COL7A1: variants seen among roughly 807,000 people sequenced by gnomAD.
COL7A1 encodes collagen alpha-1(VII) chain.
A neutral mutation model predicts 456.2 loss-of-function variants in COL7A1; 296 were observed. The ratio of observed to expected loss-of-function variants is 0.65; its 90% CI spans 0.59 to 0.71. The LOEUF (loss-of-function observed/expected upper bound fraction) is 0.71, where lower values mean the gene tolerates loss of function less well. Ranked by LOEUF, COL7A1 falls within the 30% of genes least tolerant of loss-of-function variation. COL7A1 has a pLI of 0.00. For missense variants in COL7A1, 3,441 were observed against 4,017.2 expected (o/e 0.86, Z 3.88); for synonymous variants, 1,464 against 1,525.9 (o/e 0.96, Z 0.95).
In COL7A1 at chr3:48,569,757, C is replaced by T. The variant is rs756501541; in HGVS notation, c.7525G>A (p.Asp2509Asn). ...GSRGERGEKG[D>N]VGSAGLKGDK... ...CCCTTTAGTCCTGCACTCCCAACAT[C>T]ACCCTATTGGGCAAAAGAGTGTGAG... Residue 2509 changes from aspartate (D) to asparagine (N), a missense_variant, in exon 101 of 119, where the codon GAT becomes AAT. Around this residue, in one of 3 missense-constraint regions of COL7A1, gnomAD observed 2,084 missense variants for 2,501.3 expected, o/e 0.83. Coordinates refer to ENST00000681320, the MANE Select transcript of COL7A1 (RefSeq NM_000094.4). This position sits in a 1 kb window ranked among gnomAD's most constrained non-coding sequence, Gnocchi z 4.9. The T allele has an allele frequency of 1.2e-6, 2 of 1,614,198 alleles. No individual in the cohort carries two copies. The highest frequency in any genetic ancestry group is 3.3e-5 in the Admixed American group (2 of 60,030).
chr3:48,574,314 G>T lies in COL7A1; in HGVS notation c.6457-8C>A. 1.2e-6 allele frequency: 2 copies of T among 1,614,144 alleles called. No individual in the cohort carries two copies. Among genetic ancestry groups the T allele is most frequent in the Non-Finnish European group, 1.7e-6 (2 of 1,180,020 alleles). ...ACGCTCTCCTGGTAGACCCTGCAGA[G>T]AATAGGTTTAAGGCCTTAGTTTCCC... On this transcript the variant is annotated splice_region_variant and splice_polypyrimidine_tract_variant and intron_variant, in intron 79 of 118. Coordinates refer to ENST00000681320, the MANE Select transcript of COL7A1 (RefSeq NM_000094.4). This position sits in a 1 kb window ranked among gnomAD's most constrained non-coding sequence, Gnocchi z 5.0.
chr3:48,591,893 C>T lies in COL7A1; in HGVS notation c.1357+5G>A. ...TTGCCTGTCCATCCCTTCCCCCGCA[C>T]TGACCAGTCTCACGCCGCCATTCCA... is the stretch of plus-strand genomic sequence containing the variant. On this transcript the variant is annotated splice_donor_5th_base_variant and intron_variant, in intron 11 of 118. Coordinates refer to ENST00000681320, the MANE Select transcript of COL7A1 (RefSeq NM_000094.4). This position sits in a 1 kb window ranked among gnomAD's most constrained non-coding sequence, Gnocchi z 7.0. 1 of 1,614,208 alleles carries T rather than the reference C, an allele frequency of 6.2e-7. No homozygotes were observed. Among genetic ancestry groups the T allele is most frequent in the Non-Finnish European group, 8.5e-7 (1 of 1,180,044 alleles).
In COL7A1 at chr3:48,569,559, G is replaced by A; in HGVS notation, c.7614+33C>T. The A allele has an allele frequency of 1.2e-5, 20 of 1,613,520 alleles. No individual in the cohort carries two copies. The highest frequency in any genetic ancestry group is 2.2e-5 in the East Asian group (1 of 44,836). On this transcript the variant is annotated intron_variant, in intron 102 of 118. Coordinates refer to ENST00000681320, the MANE Select transcript of COL7A1 (RefSeq NM_000094.4). This position sits in a 1 kb window ranked among gnomAD's most constrained non-coding sequence, Gnocchi z 4.9. ...CCCCACGGGGTCCCTCTCGCACCCAGGGGAGACCCAGTCCACACGTGGGCC... is the reference window on the plus strand; with the variant it reads ...CCCCACGGGGTCCCTCTCGCACCCAAGGGAGACCCAGTCCACACGTGGGCC...
At position 48,571,578 on chromosome 3, in the gene COL7A1, C is replaced by T. The variant is rs1159360648; in HGVS notation, c.7069-300G>A. On this transcript the variant is annotated intron_variant, in intron 92 of 118. Transcript: ENST00000681320. This position sits in a 1 kb window ranked among gnomAD's most constrained non-coding sequence, Gnocchi z 4.6. The stretch of plus-strand genomic sequence containing the variant: ...CTCCACAGACGTGAGTGCGGACACA[C>T]GGGCGCTCAGAGGGGAACCCCAACA... The T allele has an allele frequency of 4.5e-6, 3 of 672,132 alleles. No homozygotes were observed. The highest frequency in any genetic ancestry group is 8.4e-6 in the Non-Finnish European group (3 of 356,678). 41.6% of individuals were successfully genotyped at this position (672,132 alleles called of 1,614,324 possible). A position where few individuals can be genotyped will look rare whatever the true frequency, so the allele number is the denominator to read the frequency against.
Position 48,579,585 on chromosome 3 carries a change from C to T in COL7A1, c.5235+3G>A. 1 of 1,613,896 alleles carries T rather than the reference C, an allele frequency of 6.2e-7. No homozygotes were observed. Among genetic ancestry groups the T allele is most frequent in the Non-Finnish European group, 8.5e-7 (1 of 1,180,012 alleles). ...TGCACCCCCGAGGACCAATCACACT[C>T]ACCCTTTCCCCAGGGGCTCCAGGGA... On this transcript the variant is annotated splice_donor_region_variant and intron_variant, in intron 59 of 118. Transcript: ENST00000681320. This position sits in a 1 kb window ranked among gnomAD's most constrained non-coding sequence, Gnocchi z 4.4.
rs1158075930 is a variant in COL7A1 at position 48,588,965 on chromosome 3, A to G, written c.2345T>C (p.Leu782Pro). Residue 782 changes from leucine (L) to proline (P), a missense_variant, in exon 19 of 119, where the codon CTG (leucine) becomes CCG (proline). Transcript: ENST00000681320. This position sits in a 1 kb window ranked among gnomAD's most constrained non-coding sequence, Gnocchi z 4.6. ...GTCGCTGGAAGCATTGAGGATCTGC[A>G]GCCTCGACACACGACCCACAGGCTC... ...APEPVGRVSR[L>P]QILNASSDVL... The G allele has an allele frequency of 1.2e-6, 2 of 1,613,544 alleles. No homozygotes were observed. Among genetic ancestry groups the G allele is most frequent in the African/African-American group, 1.3e-5 (1 of 75,070 alleles).
At chr3:48,582,737 T>A in intron 44 of COL7A1, 84 bp from the exon 45 acceptor site, 1 of 1,442,130 alleles carries the variant, frequency 6.9e-7, no homozygotes, top group Non-Finnish European at 9.7e-7. Context: ...GGGTGGGGGC[T>A]GGAGAGGGGT....
Position 48,588,526 on chromosome 3 carries a change from C to T in COL7A1, c.2587+116G>A. ...AGACCCCTCTCCCTCCTCTCAGACC[C>T]TGCCCCCAAAGGCTCACTACCAATC... On this transcript the variant is annotated intron_variant, in intron 20 of 118. Transcript: ENST00000681320. This position sits in a 1 kb window ranked among gnomAD's most constrained non-coding sequence, Gnocchi z 4.6. 1 of 1,605,146 alleles carries T rather than the reference C, an allele frequency of 6.2e-7. No homozygotes were observed. The highest frequency in any genetic ancestry group is 8.5e-7 in the Non-Finnish European group (1 of 1,176,872).
At position 48,586,731 on chromosome 3, in the gene COL7A1, G is replaced by C; in HGVS notation, c.3277-42C>G. On this transcript the variant is annotated intron_variant, in intron 25 of 118. Transcript: ENST00000681320. This position sits in a 1 kb window ranked among gnomAD's most constrained non-coding sequence, Gnocchi z 5.1. ...CACAGAGCCTGAGGAGGATGACAGA[G>C]CAGGGATGGGGGTGCACAGAGCCTG... The C allele has an allele frequency of 6.4e-7, 1 of 1,553,878 alleles. No individual in the cohort carries two copies. Among genetic ancestry groups the C allele is most frequent in the Non-Finnish European group, 8.7e-7 (1 of 1,148,190 alleles).
rs540116474 is a variant in COL7A1 at position 48,587,707 on chromosome 3, C to T, written c.2857+86G>A. On this transcript the variant is annotated intron_variant, in intron 22 of 118. Coordinates refer to ENST00000681320, the MANE Select transcript of COL7A1 (RefSeq NM_000094.4). This position sits in a 1 kb window ranked among gnomAD's most constrained non-coding sequence, Gnocchi z 6.1. ...GGTCAGAGGGTGAGGGGTAGGGGTA[C>T]AGGAGGAGTCACTCAGAGTCGGGGT... 14 of 1,606,738 alleles carry T rather than the reference C, an allele frequency of 8.7e-6. No homozygotes were observed. In the South Asian group the frequency reaches 1.3e-4, roughly 15 times the overall value.
Position 48,567,930 on chromosome 3 carries a change from A to G in COL7A1, c.7876-39T>C. 1 of 1,612,874 alleles carries G rather than the reference A, an allele frequency of 6.2e-7. No individual in the cohort carries two copies. Among genetic ancestry groups the G allele is most frequent in the Non-Finnish European group, 8.5e-7 (1 of 1,179,068 alleles). On this transcript the variant is annotated intron_variant, in intron 106 of 118. Transcript: ENST00000681320. This position sits in a 1 kb window ranked among gnomAD's most constrained non-coding sequence, Gnocchi z 4.3. ...GCAGATGAAGAAGTGATTCCCAGAC[A>G]CCTCACTCTGTGACCCCCTTCACCC...
rs61729223 is a variant in COL7A1, at chr3:48,573,192, G to T, written c.6696C>A (p.Pro2232=). 28,718 of 1,614,014 alleles carry T rather than the reference G, an allele frequency of 0.018. 295 individuals carry two copies. Among genetic ancestry groups the T allele is most frequent in the Non-Finnish European group, 0.021 (25,234 of 1,179,946 alleles). Residue 2232 remains proline (P), a synonymous_variant, in exon 85 of 119, where the codon CCC becomes CCA. Coordinates refer to ENST00000681320, the MANE Select transcript of COL7A1 (RefSeq NM_000094.4). The surrounding 1 kb of genome is among the most constrained non-coding windows in gnomAD (Gnocchi z 5.5). ...PTGAVGLPGP[P]GPSGLVGPQG... is the part of the protein sequence containing the mutation. ...CACTCACCACAAGGCCTGAAGGGCC[G>T]GGGGGTCCAGGAAGTCCCACAGCTC...
Position 48,589,302 on chromosome 3 carries a change from TAGTAGCTGGCCAG to T in COL7A1, c.2314+12_2314+24del. 6.2e-7 allele frequency: 1 copy of T among 1,611,518 alleles called. No homozygotes were observed. Among genetic ancestry groups the T allele is most frequent in the Non-Finnish European group, 8.5e-7 (1 of 1,179,900 alleles). On this transcript the variant is annotated intron_variant, in intron 18 of 118. Transcript: ENST00000681320. ...GGCAGGGTAGCTAATGCGGTGTGGC[TAGTAGCTGGCCAG>T]GGTCCACTCACCAGTCCTCACAACC... is the stretch of plus-strand genomic sequence containing the variant.
Position 48,569,372 on chromosome 3 carries a change from T to C in COL7A1, c.7686+3A>G, listed in dbSNP as rs1365382109. On this transcript the variant is annotated splice_donor_region_variant and intron_variant, in intron 103 of 118. Coordinates refer to ENST00000681320, the MANE Select transcript of COL7A1 (RefSeq NM_000094.4). The surrounding 1 kb of genome is among the most constrained non-coding windows in gnomAD (Gnocchi z 4.9). Reference sequence around the variant, plus strand: ...AGAGAGTACACCACCCTCTTCCCTGTACCTTGTCACCAGGGTCCCCATTGT... The same window carrying C: ...AGAGAGTACACCACCCTCTTCCCTGCACCTTGTCACCAGGGTCCCCATTGT... 1 of 1,613,992 alleles carries C rather than the reference T, an allele frequency of 6.2e-7. No homozygotes were observed. The highest frequency in any genetic ancestry group is 8.5e-7 in the Non-Finnish European group (1 of 1,179,950).
chr3:48,570,448 G>A lies in COL7A1; in HGVS notation c.7380+17C>T. On this transcript the variant is annotated intron_variant, in intron 97 of 118. Coordinates refer to ENST00000681320, the MANE Select transcript of COL7A1 (RefSeq NM_000094.4). This position sits in a 1 kb window ranked among gnomAD's most constrained non-coding sequence, Gnocchi z 5.5. ...ACCAGGGCACAAGAGAGAGTCAGCA[G>A]CACTTGTCCCACCTACCTTGTCTCC... is the stretch of plus-strand genomic sequence containing the variant. 6.2e-7 allele frequency: 1 copy of A among 1,614,076 alleles called. No homozygotes were observed. Among genetic ancestry groups the A allele is most frequent in the Non-Finnish European group, 8.5e-7 (1 of 1,179,970 alleles).
Position 48,587,880 on chromosome 3 carries a change from G to C in COL7A1, c.2770C>G (p.Leu924Val), listed in dbSNP as rs781071813. 1.2e-6 allele frequency: 2 copies of C among 1,611,750 alleles called. No individual in the cohort carries two copies. Among genetic ancestry groups the C allele is most frequent in the African/African-American group, 2.7e-5 (2 of 74,862 alleles). ...ACGCGGTACTGTGTCGCTGGCTCCA[G>C]CCCGTCCAGGTGATAGCTGCTGAGC... ...PELSSYHLDG[L>V]EPATQYRVRL... Residue 924 changes from leucine (L) to valine (V), a missense_variant, in exon 22 of 119, where the codon CTG becomes GTG. Physicochemically the swap from Leu to Val is conservative, Grantham distance 32 (BLOSUM62 1). Around this residue, in one of 3 missense-constraint regions of COL7A1, gnomAD observed 444 missense variants for 427.6 expected, o/e 1.04. Transcript: ENST00000681320. This position sits in a 1 kb window ranked among gnomAD's most constrained non-coding sequence, Gnocchi z 6.1.
rs1002168475 is a variant in COL7A1 at position 48,586,777 on chromosome 3, T to C, written c.3277-88A>G. The stretch of plus-strand genomic sequence containing the variant: ...GCCTGGAGAAACACATCAGGGTGTG[T>C]GTGACCAAACCCTATCTATTAGGGA... On this transcript the variant is annotated intron_variant, in intron 25 of 118. Coordinates refer to ENST00000681320, the MANE Select transcript of COL7A1 (RefSeq NM_000094.4). The surrounding 1 kb of genome is among the most constrained non-coding windows in gnomAD (Gnocchi z 5.1). 40 of 1,528,614 alleles carry C rather than the reference T, an allele frequency of 2.6e-5. No individual in the cohort carries two copies. The highest frequency in any genetic ancestry group is 3.4e-5 in the Non-Finnish European group (38 of 1,129,642). 94.7% of individuals were successfully genotyped at this position (1,528,614 alleles called of 1,614,324 possible).
rs557458383 is a variant in COL7A1, at chr3:48,581,647, A to G, written c.4723-15T>C. On this transcript the variant is annotated splice_polypyrimidine_tract_variant and intron_variant, in intron 49 of 118. Coordinates refer to ENST00000681320, the MANE Select transcript of COL7A1 (RefSeq NM_000094.4). The surrounding 1 kb of genome is among the most constrained non-coding windows in gnomAD (Gnocchi z 5.8). ...CCGGGTGGGCCCTGTGGATGGAAGG[A>G]TAAGAAGTCAGGAAGACAACCTTCA... 7.9e-5 allele frequency: 128 copies of G among 1,614,142 alleles called. 1 individual carries two copies. The South Asian group carries it at 1.4e-3, about 17-fold the overall frequency.
At position 48,566,119 on chromosome 3, in the gene COL7A1, G is replaced by A; in HGVS notation, c.8407+148C>T. 1 of 843,124 alleles carries A rather than the reference G, an allele frequency of 1.2e-6. No individual in the cohort carries two copies. Among genetic ancestry groups the A allele is most frequent in the South Asian group, 1.5e-5 (1 of 67,716 alleles). 52.2% of individuals were successfully genotyped at this position (843,124 alleles called of 1,614,324 possible). A position where few individuals can be genotyped will look rare whatever the true frequency, so the allele number is the denominator to read the frequency against. ...TCCCTCCACTGGGGACACATGTCATGTGTCAGTCCTGCAGCACATGTGTCC... is the reference window on the plus strand; with the variant it reads ...TCCCTCCACTGGGGACACATGTCATATGTCAGTCCTGCAGCACATGTGTCC... On this transcript the variant is annotated intron_variant, in intron 114 of 118. Coordinates refer to ENST00000681320, the MANE Select transcript of COL7A1 (RefSeq NM_000094.4). This position sits in a 1 kb window ranked among gnomAD's most constrained non-coding sequence, Gnocchi z 5.9.
Sources: gnomAD v4.1 joint callset for allele counts on GRCh38, gnomAD v4.1.1 for gene constraint, gnomAD v4.1.1 regional missense constraint, Gnocchi (gnomAD v3.1) non-coding constraint, MANE v1.5 for transcripts, NCBI Gene and HGNC (gene_info 2026-07-23, HGNC 2026-07-21) for gene names.